The following GCNT1 variants were observed in gnomAD, a reference collection of about 807,000 sequenced individuals.
The protein encoded by GCNT1 is glucosaminyl (N-acetyl) transferase 1, also known as beta-1,3-galactosyl-O-glycosyl-glycoprotein beta-1,6-N-acetylglucosaminyltransferase.
GCNT1 carries 16 observed loss-of-function variants against 26.2 expected under a neutral mutation model. The ratio of observed to expected loss-of-function variants is 0.61; its 90% CI spans 0.41 to 0.93. The LOEUF is 0.93. Ranked by LOEUF, GCNT1 falls within the 40% of genes least tolerant of loss-of-function variation. GCNT1 has a pLI of 0.00. For synonymous variants in GCNT1, 183 were observed against 190.8 expected, an observed-to-expected ratio of 0.96 and a Z score of 0.34; for missense variants, 477 against 526.7, an observed-to-expected ratio of 0.91 and a Z score of 0.92.
chr9:76,424,158 C>T (rs1823232487), intron 1 of GCNT1, among the ~76,000 whole-genome samples: 2 of 152,074 alleles, frequency 1.3e-5, no homozygotes. Context: ...AGGCAAAAAT[C>T]AGACTGTAAT....
At chr9:76,409,011 G>A in the GCNT1 span, among the ~76,000 whole-genome samples, 3 of 152,150 alleles carry the variant, frequency 2.0e-5, no homozygotes, top group African/African-American at 4.8e-5. Context: ...TTTTCTGAAA[G>A]AGATTATAGA....
At chr9:76,414,347 G>A in the GCNT1 span, among the ~76,000 whole-genome samples, 1 of 152,196 alleles carries the variant, frequency 6.6e-6, no homozygotes, top group Non-Finnish European at 1.5e-5. Context: ...GGGAGGAGAA[G>A]CATTCTATGG....
the GCNT1 span, among the ~76,000 whole-genome samples, chr9:76,406,845 A>C: frequency 5.9e-5 from 9 of 152,270 alleles, no homozygotes; most frequent in African/African-American, 2.2e-4. Flanking sequence ...GTTAGAGACC[A>C]TCCTGACCAA....
intron 1 of GCNT1, among the ~76,000 whole-genome samples, chr9:76,424,001 T>C (rs1237692063): frequency 1.3e-5 from 2 of 152,212 alleles, no homozygotes; most frequent in Non-Finnish European, 2.9e-5. Flanking sequence ...CAGCACTAGA[T>C]GCTAGAGATT....
intron 1 of GCNT1, among the ~76,000 whole-genome samples, chr9:76,449,001 C>T (rs1050848343): frequency 4.6e-5 from 7 of 152,094 alleles, no homozygotes; most frequent in African/African-American, 1.7e-4. Flanking sequence ...AAAATGGAAA[C>T]ATCTTTCTGA....
At position 76,431,456 on chromosome 9, in the gene GCNT1, C is replaced by A. The variant is rs75296837; in HGVS notation, n.38+11569C>A. On this transcript the variant is annotated intron_variant and non_coding_transcript_variant, in intron 1 of 3. Transcript: ENST00000488136. The stretch of plus-strand genomic sequence containing the variant: ...TTATAATTTTATTATAAAAGTTACG[C>A]ATAGGGTGAGGTCTGGGAGAGAACA... Among the ~76,000 whole-genome samples, 398 of 152,288 alleles carry A rather than the reference C, an allele frequency of 2.6e-3. 1 individual carries two copies. The highest frequency in any genetic ancestry group is 9.3e-3 in the African/African-American group (385 of 41,556).
At position 76,503,821 on chromosome 9, in the gene GCNT1, C is replaced by T. The variant is rs913304435; in HGVS notation, c.*153C>T. ...TCTTGTCAGAGAAGCTGCATGGTTT[C>T]TGCAGAGCACAGTTAGCTAGAAAGG... is the stretch of plus-strand genomic sequence containing the variant. On this transcript the variant is annotated 3_prime_UTR_variant, in exon 4 of 4. Transcript: ENST00000376730. The T allele has an allele frequency of 3.1e-6, 2 of 649,540 alleles. No homozygotes were observed. Among genetic ancestry groups the T allele is most frequent in the Non-Finnish European group, 5.6e-6 (2 of 360,120 alleles). The allele number at this position is 649,540 out of a possible 1,614,324, so 40.2% of individuals were successfully genotyped here.
Position 76,503,124 on chromosome 9 carries a change from C to T in GCNT1, c.743C>T (p.Pro248Leu), listed in dbSNP as rs745746805. The T allele has an allele frequency of 6.2e-7, 1 of 1,614,066 alleles. No homozygotes were observed. Among genetic ancestry groups the T allele is most frequent in the Non-Finnish European group, 8.5e-7 (1 of 1,180,022 alleles). Residue 248 changes from proline to leucine, a missense_variant, in exon 4 of 4, where the codon CCA (proline) becomes CTA (leucine). Pro to Leu is a moderately conservative substitution (Grantham distance 98, BLOSUM62 -3). Coordinates refer to ENST00000376730, the MANE Select transcript of GCNT1 (RefSeq NM_001490.5). ...AACAACCTGGAAACGGAGAGGATGC[C>T]ATCCCATAAAGAAGAAAGGTGGAAG... ...GENNLETERM[P>L]SHKEERWKKR...
In GCNT1 at chr9:76,507,058, A is replaced by G. The variant is rs1267863256; in HGVS notation, c.*3390A>G. The G allele has an allele frequency of 6.0e-6, 1 of 167,056 alleles. No individual in the cohort carries two copies. The highest frequency in any genetic ancestry group is 2.1e-4 in the South Asian group (1 of 4,836). The allele number at this position is 167,056 out of a possible 1,614,324, so 10.3% of individuals were successfully genotyped here. On this transcript the variant is annotated 3_prime_UTR_variant, in exon 4 of 4. Coordinates refer to ENST00000376730, the MANE Select transcript of GCNT1 (RefSeq NM_001490.5). Reference sequence around the variant, plus strand: ...AGCCAAGCCTACCTTAAATGTTCTCAGAACATTTAGCCTGCAGTTGGGCAA... The same window carrying G: ...AGCCAAGCCTACCTTAAATGTTCTCGGAACATTTAGCCTGCAGTTGGGCAA...
chr9:76,485,596 GT>G (rs1162638637), intron 2 of GCNT1, among the ~76,000 whole-genome samples: 2 of 152,184 alleles, frequency 1.3e-5, no homozygotes, highest in Non-Finnish European at 2.9e-5. Context: ...TTCTGGAGCT[GT>G]TTACTTGCTT....
chr9:76,442,885 T>C lies in GCNT1; in HGVS notation c.-290+570T>C, dbSNP rs145971741. Among the ~76,000 whole-genome samples, 315 of 152,032 alleles carry C rather than the reference T, an allele frequency of 2.1e-3. 1 individual carries two copies. Among genetic ancestry groups the C allele is most frequent in the African/African-American group, 7.4e-3 (306 of 41,526 alleles). On this transcript the variant is annotated intron_variant, in intron 1 of 2. Transcript: ENST00000442371. ...AGCACTTTTATAGATGTTGGGAATATACTAAAGCCAAAATGGATTTAAAAC... is the reference window on the plus strand; with the variant it reads ...AGCACTTTTATAGATGTTGGGAATACACTAAAGCCAAAATGGATTTAAAAC...
chr9:76,448,933 T>C (rs1823619784), intron 1 of GCNT1, among the ~76,000 whole-genome samples: 2 of 152,276 alleles, frequency 1.3e-5, no homozygotes, highest in African/African-American at 4.8e-5. Flanking sequence ...CATGTCATTT[T>C]CTTTTGGACA....
At chr9:76,409,000 A>G in the GCNT1 span, among the ~76,000 whole-genome samples, 2 of 152,028 alleles carry the variant, frequency 1.3e-5, no homozygotes, top group African/African-American at 4.8e-5. Context: ...CTTTACTTCT[A>G]TTTTCTGAAA....
intron 2 of GCNT1, among the ~76,000 whole-genome samples, chr9:76,489,668 A>G (rs1413819054): frequency 1.3e-5 from 2 of 152,124 alleles, no homozygotes; most frequent in Non-Finnish European, 1.5e-5. Flanking sequence ...GGGTGTTTTT[A>G]CAATCCTCTA....
rs143578721 is a variant in GCNT1, at chr9:76,426,034, A to G, written n.38+6147A>G. 2.8e-3 allele frequency among the ~76,000 whole-genome samples: 421 copies of G among 152,334 alleles called. 3 individuals carry two copies. Among genetic ancestry groups the G allele is most frequent in the African/African-American group, 9.8e-3 (406 of 41,576 alleles). ...TCAGAATCTTGTAGCCTCTAGCTGC[A>G]TGACTCCTAAACCATAATTTCTAAT... On this transcript the variant is annotated intron_variant and non_coding_transcript_variant, in intron 1 of 3. Coordinates refer to the GCNT1 transcript ENST00000488136.
At chr9:76,447,407 A>C (rs1823595167) in intron 1 of GCNT1, among the ~76,000 whole-genome samples, 1 of 151,286 alleles carries the variant, frequency 6.6e-6, no homozygotes, top group African/African-American at 2.4e-5. Context: ...GCCCCAGCTA[A>C]TTTTTATTTT....
At chr9:76,420,878 G>T (rs1823180903) in intron 1 of GCNT1, among the ~76,000 whole-genome samples, 3 of 149,158 alleles carry the variant, frequency 2.0e-5, no homozygotes, top group Non-Finnish European at 4.4e-5. Context: ...GTTCAAGATT[G>T]CAGTGAGCTA....
intron 2 of GCNT1, among the ~76,000 whole-genome samples, chr9:76,489,210 A>G (rs1824663087): frequency 6.6e-6 from 1 of 152,232 alleles, no homozygotes; most frequent in Non-Finnish European, 1.5e-5. Flanking sequence ...CGGAAGCTGC[A>G]TGGTTTTACA....
intron 1 of GCNT1, among the ~76,000 whole-genome samples, chr9:76,422,568 G>A (rs1823210315): frequency 6.6e-6 from 1 of 152,052 alleles, no homozygotes; most frequent in African/African-American, 2.4e-5. Flanking sequence ...TTTTGAGACA[G>A]GGTTTTGCTC....
Sources: gnomAD v4.1 joint callset for allele counts (sites outside exome capture counted in the v4.1 genomes callset) on GRCh38, gnomAD v4.1.1 for gene constraint, MANE v1.5 for transcripts, NCBI Gene and HGNC (gene_info 2026-07-23, HGNC 2026-07-21) for gene names.